Variants in XKR9 observed in about 807,000 individuals in gnomAD.
The protein encoded by XKR9 is XK related 9, also known as XK-related protein 9.
In XKR9, 32 loss-of-function variants were observed where a neutral mutation model predicts 32.0. That is an observed-to-expected ratio of 1.00 (90% CI 0.76 to 1.34). The LOEUF (loss-of-function observed/expected upper bound fraction) is 1.34. Among genes scored for constraint, XKR9 ranks in the 40% most tolerant of loss-of-function variants. XKR9 has a pLI of 0.00. For missense variants in XKR9, 546 were observed against 429.7 expected, an observed-to-expected ratio of 1.27 and a Z score of -2.39; for synonymous variants, 168 against 143.4, an observed-to-expected ratio of 1.17 and a Z score of -1.22.
the XKR9 span, among the ~76,000 whole-genome samples, chr8:71,017,719 GGAGCTCAT>G: frequency 3.9e-5 from 6 of 152,186 alleles, no homozygotes; most frequent in African/African-American, 1.2e-4. Flanking sequence ...CTCCCAAGGT[GGAGCTCAT>G]GAGCTCATGA....
chr8:70,725,060 A>C (rs1806417001), intron 4 of XKR9, among the ~76,000 whole-genome samples: 1 of 152,188 alleles, frequency 6.6e-6, no homozygotes, highest in South Asian at 2.1e-4. Flanking sequence ...CCAGGAAGAA[A>C]AATGAGAGCA....
At chr8:70,741,525 A>G (rs1163842609) in intron 2 of XKR9, among the ~76,000 whole-genome samples, 2 of 152,196 alleles carry the variant, frequency 1.3e-5, no homozygotes, top group Non-Finnish European at 2.9e-5. Context: ...TAGTTCGTTG[A>G]GCATAATGTC....
chr8:70,713,490 C>T (rs1409548668), intron 4 of XKR9, among the ~76,000 whole-genome samples: 1 of 152,112 alleles, frequency 6.6e-6, no homozygotes, highest in Non-Finnish European at 1.5e-5. Flanking sequence ...TAGTGTATCC[C>T]CACCAGAGGA....
At chr8:70,984,304 C>T in the XKR9 span, among the ~76,000 whole-genome samples, 7 of 152,270 alleles carry the variant, frequency 4.6e-5, no homozygotes, top group Admixed American at 4.6e-4. Context: ...ATTTCCCTGG[C>T]CTGGACCCAT....
At chr8:70,721,760 G>A (rs372081908) in intron 4 of XKR9, among the ~76,000 whole-genome samples, 13 of 152,194 alleles carry the variant, frequency 8.5e-5, no homozygotes, top group Non-Finnish European at 1.8e-4. Context: ...GTGTGGTGCT[G>A]AGAAGAATGT....
At chr8:70,815,225 T>C in the XKR9 span, among the ~76,000 whole-genome samples, 2 of 152,152 alleles carry the variant, frequency 1.3e-5, no homozygotes, top group African/African-American at 4.8e-5. Flanking sequence ...ATAGGTAAAC[T>C]TGTGTCATGG....
the XKR9 span, among the ~76,000 whole-genome samples, chr8:70,805,634 G>T: frequency 0.071 from 10,762 of 152,288 alleles, 458 homozygotes; most frequent in Non-Finnish European, 0.089. Context: ...CACACTGGCT[G>T]TGGCAGACTG....
chr8:70,714,035 G>A (rs1287562731), intron 4 of XKR9, among the ~76,000 whole-genome samples: 1 of 152,074 alleles, frequency 6.6e-6, no homozygotes, highest in Admixed American at 6.6e-5. Context: ...CTTGCTGCAT[G>A]CTTATGTGGC....
At chr8:70,868,845 G>A in the XKR9 span, among the ~76,000 whole-genome samples, 1 of 152,020 alleles carries the variant, frequency 6.6e-6, no homozygotes, top group East Asian at 1.9e-4. Flanking sequence ...TTATAATTCT[G>A]AATGCCTTTA....
At chr8:70,802,412 G>T in the XKR9 span, among the ~76,000 whole-genome samples, 1 of 152,080 alleles carries the variant, frequency 6.6e-6, no homozygotes, top group African/African-American at 2.4e-5. Context: ...GCATACAATT[G>T]GGTCTTGTTT....
the XKR9 span, among the ~76,000 whole-genome samples, chr8:70,863,097 A>G: frequency 5.3e-5 from 8 of 152,168 alleles, no homozygotes; most frequent in Non-Finnish European, 1.0e-4. Flanking sequence ...TGAGCGAGGT[A>G]GGAGCCAGAG....
chr8:70,895,583 C>T, the XKR9 span, among the ~76,000 whole-genome samples: 1 of 152,070 alleles, frequency 6.6e-6, no homozygotes, highest in Non-Finnish European at 1.5e-5. Context: ...AAAAAGATAT[C>T]CTTTTCTTCA....
At chr8:70,878,150 C>T in the XKR9 span, among the ~76,000 whole-genome samples, 1 of 152,284 alleles carries the variant, frequency 6.6e-6, no homozygotes, top group Middle Eastern at 3.4e-3. Flanking sequence ...ACAGGAACTC[C>T]TGAAGGAAGC....
the XKR9 span, among the ~76,000 whole-genome samples, chr8:70,953,864 G>A: frequency 6.6e-6 from 1 of 152,086 alleles, no homozygotes; most frequent in South Asian, 2.1e-4. Context: ...GTTACAGAGA[G>A]GTGGGAAAGT....
chr8:71,004,754 C>T, the XKR9 span, among the ~76,000 whole-genome samples: 36 of 152,284 alleles, frequency 2.4e-4, no homozygotes, highest in South Asian at 6.8e-3. Context: ...CTGGCTAGGG[C>T]AGGCAGGTGG....
chr8:70,958,413 T>G, the XKR9 span, among the ~76,000 whole-genome samples: 1 of 152,238 alleles, frequency 6.6e-6, no homozygotes, highest in Non-Finnish European at 1.5e-5. Flanking sequence ...TTTAAGATGG[T>G]ATCTCATTGT....
chr8:70,843,253 A>G, the XKR9 span, among the ~76,000 whole-genome samples: 2 of 152,350 alleles, frequency 1.3e-5, no homozygotes, highest in South Asian at 4.1e-4. Flanking sequence ...CTCAAAAGTA[A>G]TTATAGCATG....
the XKR9 span, among the ~76,000 whole-genome samples, chr8:70,894,670 G>A: frequency 1.6e-4 from 24 of 152,128 alleles, no homozygotes; most frequent in Non-Finnish European, 2.9e-4. Flanking sequence ...GGCGACCAAG[G>A]CACCATTTCT....
the XKR9 span, among the ~76,000 whole-genome samples, chr8:70,826,282 A>G: frequency 6.6e-6 from 1 of 152,128 alleles, no homozygotes; most frequent in Non-Finnish European, 1.5e-5. Context: ...TGAACTAATC[A>G]GTTTGTGGCA....
Sources: gnomAD v4.1 joint callset for allele counts (sites outside exome capture counted in the v4.1 genomes callset) on GRCh38, gnomAD v4.1.1 for gene constraint, MANE v1.5 for transcripts, NCBI Gene and HGNC (gene_info 2026-07-23, HGNC 2026-07-21) for gene names.